The following CBFB variants were observed in gnomAD, a reference collection of about 807,000 sequenced individuals.
The protein encoded by CBFB is core-binding factor subunit beta, also known as CBF-beta.
A neutral mutation model predicts 30.4 loss-of-function variants in CBFB; 9 were observed. The observed-to-expected ratio is 0.30, with a 90% CI of 0.18 to 0.52. CBFB has a LOEUF of 0.52. Among genes scored for constraint, CBFB ranks in the 20% least tolerant of loss-of-function variants. CBFB has a pLI of 0.97. For missense variants in CBFB, 170 were observed against 244.0 expected (o/e 0.70, Z 2.02); for synonymous variants, 94 against 84.0 (o/e 1.12, Z -0.65).
At position 67,037,375 on chromosome 16, in the gene CBFB, TAAAAC is replaced by T. The variant is rs1250772714; in HGVS notation, c.282+623_282+627del. On this transcript the variant is annotated intron_variant, in intron 3 of 5. Coordinates refer to ENST00000412916, the MANE Select transcript of CBFB (RefSeq NM_022845.3). ...ATATGTAAGTATAGTGCTATAAAAA[TAAAAC>T]AAGAGGAAAACGGAAAAAAGCTCTC... Among the ~76,000 whole-genome samples, 17 of 152,146 alleles carry T rather than the reference TAAAAC, an allele frequency of 1.1e-4. No homozygotes were observed. In the East Asian group the frequency reaches 2.1e-3, roughly 19 times the overall value.
intron 3 of CBFB, among the ~76,000 whole-genome samples, chr16:67,063,309 T>C (rs989991033): frequency 6.6e-6 from 1 of 152,198 alleles, no homozygotes; most frequent in Non-Finnish European, 1.5e-5. Flanking sequence ...ATGGAACCTT[T>C]TGTATTTTGG....
rs774518904 is a variant in CBFB at position 67,046,691 on chromosome 16, A to T, written c.282+9936A>T. Among the ~76,000 whole-genome samples, 3 of 152,326 alleles carry T rather than the reference A, an allele frequency of 2.0e-5. No homozygotes were observed. The East Asian group carries it at 5.8e-4, about 29-fold the overall frequency. Reference sequence around the variant, plus strand: ...GCAGGTAGTGTTCTAATTGATGCAGACATACATGCACTGATACTTTTGTGA... The same window carrying T: ...GCAGGTAGTGTTCTAATTGATGCAGTCATACATGCACTGATACTTTTGTGA... On this transcript the variant is annotated intron_variant, in intron 3 of 5. Coordinates refer to ENST00000412916, the MANE Select transcript of CBFB (RefSeq NM_022845.3).
intron 5 of CBFB, among the ~76,000 whole-genome samples, chr16:67,095,346 G>C (rs753237699): frequency 1.3e-5 from 2 of 151,432 alleles, no homozygotes; most frequent in African/African-American, 4.9e-5. Context: ...GTGAAACCCC[G>C]TCTGTACTAA....
intron 2 of CBFB, among the ~76,000 whole-genome samples, chr16:67,032,350 G>A (rs550891654): frequency 6.6e-6 from 1 of 152,258 alleles, no homozygotes; most frequent in South Asian, 2.1e-4. Context: ...TATCTGATTC[G>A]ACACATTTTA....
intron 3 of CBFB, among the ~76,000 whole-genome samples, chr16:67,044,928 T>A (rs1299443677): frequency 6.6e-6 from 1 of 152,220 alleles, no homozygotes; most frequent in Non-Finnish European, 1.5e-5. Flanking sequence ...AAATACCTTG[T>A]CACATCTGGA....
At chr16:67,087,692 T>G (rs991588881) in intron 5 of CBFB, among the ~76,000 whole-genome samples, 1 of 152,210 alleles carries the variant, frequency 6.6e-6, no homozygotes, top group African/African-American at 2.4e-5. Flanking sequence ...GTCACATAAT[T>G]TGTTGCTCAG....
intron 3 of CBFB, among the ~76,000 whole-genome samples, chr16:67,050,226 ATATT>A (rs1966715846): frequency 6.8e-6 from 1 of 147,764 alleles, no homozygotes. Context: ...TATATATCAC[ATATT>A]TATATGTAAT....
rs528574993 is a variant in CBFB, at chr16:67,075,547, CAT to C, written c.400-6661_400-6660del. Among the ~76,000 whole-genome samples, 205 of 150,156 alleles carry C rather than the reference CAT, an allele frequency of 1.4e-3. 1 individual carries two copies. The highest frequency in any genetic ancestry group is 4.3e-3 in the African/African-American group (176 of 41,014). On this transcript the variant is annotated intron_variant, in intron 4 of 5. Transcript: ENST00000412916. ...GCTGTAAATATGCAAGCTGCGCATG[CAT>C]ATATGTGTGTGTGTGTGTATATATA...
intron 4 of CBFB, among the ~76,000 whole-genome samples, chr16:67,069,053 A>G (rs1056072080): frequency 6.6e-6 from 1 of 152,170 alleles, no homozygotes; most frequent in African/African-American, 2.4e-5. Context: ...CATCTCTACT[A>G]AAAATACAAA....
In CBFB at chr16:67,029,230, G is replaced by GGGC; in HGVS notation, c.-170_-168dup. The GGGC allele has an allele frequency of 3.2e-6, 1 of 315,982 alleles. No individual in the cohort carries two copies. The highest frequency in any genetic ancestry group is 5.5e-6 in the Non-Finnish European group (1 of 180,544). 19.6% of individuals were successfully genotyped at this position (315,982 alleles called of 1,614,324 possible). On this transcript the variant is annotated 5_prime_UTR_variant, in exon 1 of 6. Transcript: ENST00000412916. ...GCGGCGGCGTGGGTTGGGCTCGAGC[G>GGGC]GGCGGCGGCGCCTCAGACTCCCCGG...
chr16:67,084,187 A>G (rs1044270446), intron 5 of CBFB, among the ~76,000 whole-genome samples: 2 of 149,374 alleles, frequency 1.3e-5, no homozygotes, highest in African/African-American at 5.0e-5. Context: ...AAAAAAAAAA[A>G]AAGTATATTC....
At chr16:67,063,482 A>G (rs1314716604) in intron 3 of CBFB, among the ~76,000 whole-genome samples, 1 of 150,184 alleles carries the variant, frequency 6.7e-6, no homozygotes, top group African/African-American at 2.5e-5. Context: ...TGCTCAGTCT[A>G]CCAGGCTAGA....
chr16:67,079,963 T>C (rs1961509066), intron 4 of CBFB, among the ~76,000 whole-genome samples: 1 of 152,140 alleles, frequency 6.6e-6, no homozygotes, highest in East Asian at 1.9e-4. Flanking sequence ...CCGGGCATGA[T>C]GATGCTCACC....
chr16:67,051,968 A>AAT (rs758211111), intron 3 of CBFB, among the ~76,000 whole-genome samples: 18 of 150,040 alleles, frequency 1.2e-4, no homozygotes, highest in African/African-American at 2.2e-4. Flanking sequence ...TAGCAATAGG[A>AAT]ATATATATAT....
intron 3 of CBFB, among the ~76,000 whole-genome samples, chr16:67,055,955 ATACT>A (rs1960711466): frequency 6.6e-6 from 1 of 152,284 alleles, no homozygotes; most frequent in African/African-American, 2.4e-5. Flanking sequence ...GACAGGGTAC[ATACT>A]TCTTCAGTGG....
intron 2 of CBFB, among the ~76,000 whole-genome samples, chr16:67,033,773 G>A (rs1019626452): frequency 4.7e-5 from 7 of 150,408 alleles, no homozygotes; most frequent in African/African-American, 1.7e-4. Context: ...CACCACACCC[G>A]GCTAATTTGT....
intron 3 of CBFB, among the ~76,000 whole-genome samples, chr16:67,050,913 T>G (rs1440533870): frequency 6.6e-6 from 1 of 152,170 alleles, no homozygotes; most frequent in African/African-American, 2.4e-5. Flanking sequence ...GGCCACTAAG[T>G]AACTAATGGA....
intron 2 of CBFB, among the ~76,000 whole-genome samples, chr16:67,030,680 A>G (rs934365553): frequency 1.3e-5 from 2 of 152,064 alleles, no homozygotes; most frequent in African/African-American, 4.8e-5. Context: ...GGTCACTGCA[A>G]CCTTCGCCTC....
intron 3 of CBFB, among the ~76,000 whole-genome samples, chr16:67,052,114 A>T (rs545071155): frequency 7.9e-5 from 12 of 152,198 alleles, no homozygotes; most frequent in African/African-American, 2.9e-4. Flanking sequence ...TTGTGAGCTC[A>T]AGTGATCCAC....
Sources: gnomAD v4.1 joint callset for allele counts (sites outside exome capture counted in the v4.1 genomes callset) on GRCh38, gnomAD v4.1.1 for gene constraint, MANE v1.5 for transcripts, NCBI Gene and HGNC (gene_info 2026-07-23, HGNC 2026-07-21) for gene names.